Variants in AFG2A observed in about 807,000 individuals in gnomAD.
AFG2A encodes the protein ATPase family gene 2 protein homolog A.
chr4:123,316,802 A>G, the AFG2A span: 1 of 152,236 alleles, frequency 6.6e-6, no homozygotes, highest in South Asian at 2.1e-4. Context: ...ATAATGCTCA[A>G]GCTCTATAAT....
chr4:123,249,005 TAA>T, the AFG2A span, among the ~76,000 whole-genome samples: 1 of 152,206 alleles, frequency 6.6e-6, no homozygotes, highest in Non-Finnish European at 1.5e-5. Context: ...AATATAGATA[TAA>T]AAACACCTGC....
the AFG2A span, among the ~76,000 whole-genome samples, chr4:123,061,389 T>C: frequency 1.3e-4 from 19 of 151,868 alleles, no homozygotes; most frequent in South Asian, 4.0e-3. Context: ...GAAAAAGAGG[T>C]TTAATGAACT....
chr4:122,932,254 G>T, the AFG2A span, among the ~76,000 whole-genome samples: 1 of 151,082 alleles, frequency 6.6e-6, no homozygotes, highest in African/African-American at 2.4e-5. Flanking sequence ...CAGCCTGGGT[G>T]ACAGAGCGAG....
chr4:123,016,217 C>A, the AFG2A span, among the ~76,000 whole-genome samples: 1 of 137,620 alleles, frequency 7.3e-6, no homozygotes, highest in South Asian at 2.4e-4. Flanking sequence ...GGGGGCTGAT[C>A]CCCCCACCTC....
chr4:123,115,269 C>A, the AFG2A span, among the ~76,000 whole-genome samples: 1 of 152,054 alleles, frequency 6.6e-6, no homozygotes, highest in South Asian at 2.1e-4. Flanking sequence ...AGATCGCGGG[C>A]CCCAAACCCA....
At chr4:123,168,587 A>T in the AFG2A span, among the ~76,000 whole-genome samples, 2 of 152,182 alleles carry the variant, frequency 1.3e-5, no homozygotes, top group African/African-American at 4.8e-5. Context: ...GGAAATGATG[A>T]TAAAAAATTG....
At chr4:122,961,370 G>C in the AFG2A span, among the ~76,000 whole-genome samples, 1 of 152,214 alleles carries the variant, frequency 6.6e-6, no homozygotes, top group Non-Finnish European at 1.5e-5. Flanking sequence ...TAGTATAAAA[G>C]ATAGGGAACT....
chr4:123,271,305 T>G, the AFG2A span, among the ~76,000 whole-genome samples: 1 of 152,224 alleles, frequency 6.6e-6, no homozygotes, highest in Non-Finnish European at 1.5e-5. Context: ...AAAATAATAG[T>G]TGGAATGGCT....
the AFG2A span, among the ~76,000 whole-genome samples, chr4:123,303,526 A>G: frequency 1.3e-5 from 2 of 152,198 alleles, no homozygotes; most frequent in Admixed American, 6.5e-5. Context: ...AACACTTGGG[A>G]GGCCAGCTGG....
the AFG2A span, among the ~76,000 whole-genome samples, chr4:123,210,368 C>G: frequency 1.1e-4 from 17 of 152,304 alleles, no homozygotes; most frequent in Admixed American, 5.2e-4. Context: ...TACCTAATCT[C>G]TCTGCTAACC....
chr4:123,023,325 T>G, the AFG2A span, among the ~76,000 whole-genome samples: 6 of 152,000 alleles, frequency 3.9e-5, no homozygotes, highest in Non-Finnish European at 8.8e-5. Context: ...ACAATATACT[T>G]GTGTAACAAA....
the AFG2A span, among the ~76,000 whole-genome samples, chr4:123,275,685 T>TC: frequency 6.6e-6 from 1 of 152,082 alleles, no homozygotes; most frequent in African/African-American, 2.4e-5. Context: ...TGTCTGTTGT[T>TC]CCCCTCTTTG....
At chr4:123,294,709 G>GT in the AFG2A span, among the ~76,000 whole-genome samples, 140 of 152,282 alleles carry the variant, frequency 9.2e-4, no homozygotes, top group Non-Finnish European at 1.8e-3. Flanking sequence ...ACTGTGGGTT[G>GT]TAAGTACCCA....
the AFG2A span, among the ~76,000 whole-genome samples, chr4:123,059,635 C>A: frequency 3.3e-4 from 50 of 150,142 alleles, no homozygotes; most frequent in Admixed American, 1.2e-3. Context: ...TGTCTTTATA[C>A]CAGCATGATT....
At chr4:123,213,573 G>A in the AFG2A span, among the ~76,000 whole-genome samples, 1 of 152,146 alleles carries the variant, frequency 6.6e-6, no homozygotes, top group Non-Finnish European at 1.5e-5. Flanking sequence ...AACCATTAGT[G>A]AAGTCAGTGA....
chr4:122,928,952 C>G, the AFG2A span: 1 of 1,476,624 alleles, frequency 6.8e-7, no homozygotes, highest in Non-Finnish European at 9.0e-7. Context: ...ATCTTAAGTG[C>G]TTGACTGTGC....
the AFG2A span, among the ~76,000 whole-genome samples, chr4:123,279,626 A>G: frequency 0.014 from 2,134 of 152,290 alleles, 59 homozygotes; most frequent in African/African-American, 0.048. Context: ...GTCATTGTGA[A>G]GATTAAATTA....
At chr4:123,252,636 TCA>T in the AFG2A span, among the ~76,000 whole-genome samples, 1 of 152,220 alleles carries the variant, frequency 6.6e-6, no homozygotes, top group African/African-American at 2.4e-5. Context: ...TTATTTAGTT[TCA>T]GTTTACACAC....
At chr4:123,229,655 T>C in the AFG2A span, among the ~76,000 whole-genome samples, 1 of 151,962 alleles carries the variant, frequency 6.6e-6, no homozygotes, top group Non-Finnish European at 1.5e-5. Flanking sequence ...AGAAAGAAGA[T>C]GCACAGTTCT....
Sources: gnomAD v4.1 joint callset for allele counts (sites outside exome capture counted in the v4.1 genomes callset) on GRCh38, gnomAD v4.1.1 for gene constraint, MANE v1.5 for transcripts, NCBI Gene and HGNC (gene_info 2026-07-23, HGNC 2026-07-21) for gene names.